NUP160: variants seen among roughly 807,000 people sequenced by gnomAD.
NUP160 encodes the protein nuclear pore complex protein Nup160.
Under a neutral mutation model 196.9 loss-of-function variants are expected in NUP160, and 94 were observed. The ratio of observed to expected loss-of-function variants is 0.48; its 90% CI spans 0.40 to 0.57. NUP160 has a LOEUF of 0.57. Among genes scored for constraint, NUP160 ranks in the 20% least tolerant of loss-of-function variants. The probability of loss-of-function intolerance (pLI) is 0.00; values close to 1 mark genes in which losing one functional copy is unlikely to be tolerated. For missense variants in NUP160, 1,638 were observed against 1,748.3 expected (o/e 0.94, Z 1.13); for synonymous variants, 605 against 619.7 (o/e 0.98, Z 0.35).
At chr11:47,807,967 T>C (rs1377852386) in intron 18 of NUP160, among the ~76,000 whole-genome samples, 1 of 152,230 alleles carries the variant, frequency 6.6e-6, no homozygotes, top group Admixed American at 6.5e-5. Context: ...TAATGGCATA[T>C]AATTTTACGG....
intron 13 of NUP160, among the ~76,000 whole-genome samples, chr11:47,814,898 C>A (rs1467979454): frequency 6.6e-6 from 1 of 152,178 alleles, no homozygotes; most frequent in Non-Finnish European, 1.5e-5. Context: ...TTGTGCTATT[C>A]TTGTAACTCT....
intron 7 of NUP160, among the ~76,000 whole-genome samples, chr11:47,824,052 T>TATACAC (rs1391609379): frequency 4.2e-4 from 39 of 93,776 alleles, no homozygotes; most frequent in Non-Finnish European, 5.8e-4. Flanking sequence ...TATATATATA[T>TATACAC]ACACACACAC....
chr11:47,804,958 A>C (rs1306113950), intron 20 of NUP160, among the ~76,000 whole-genome samples: 2 of 152,102 alleles, frequency 1.3e-5, no homozygotes, highest in Non-Finnish European at 2.9e-5. Context: ...GCAACACATA[A>C]GAGTCCTGTC....
At chr11:47,821,678 A>G in intron 9 of NUP160, 46 bp downstream of exon 9, 1 of 1,420,218 alleles carries the variant, frequency 7.0e-7, no homozygotes, top group Non-Finnish European at 1.0e-6. Flanking sequence ...TCTTAGCATG[A>G]AATTGCTTGG....
intron 19 of NUP160, 94 bp downstream of exon 19, chr11:47,806,976 A>G: frequency 3.4e-6 from 3 of 880,470 alleles, no homozygotes; most frequent in Non-Finnish European, 5.6e-6. Flanking sequence ...AGCCTAGCCA[A>G]CCTTTCTATG....
chr11:47,808,421 C>T lies in NUP160; in HGVS notation c.2350G>A (p.Ala784Thr), dbSNP rs138083274. The T allele has an allele frequency of 9.7e-4, 1,568 of 1,613,180 alleles. 3 individuals carry two copies. Among genetic ancestry groups the T allele is most frequent in the Non-Finnish European group, 1.3e-3 (1,479 of 1,179,430 alleles). ...AGTGTGTCAAGTGGAACATCAGTTGCCAAGCACTCACTTCCCCATTTAATG... is the reference window on the plus strand; with the variant it reads ...AGTGTGTCAAGTGGAACATCAGTTGTCAAGCACTCACTTCCCCATTTAATG... The change falls in exon 18 of 36, where the codon GCA (alanine) becomes ACA (threonine). Residue 784 changes from alanine (A) to threonine (T), a missense_variant. Transcript: ENST00000378460.
exon 28 of NUP160, chr11:47,792,892 A>C (rs746026162): frequency 6.2e-7 from 1 of 1,613,998 alleles, no homozygotes; most frequent in African/African-American, 1.3e-5. Flanking sequence ...AAGTCCCCGG[A>C]GAGTTCGAAC....
At chr11:47,835,549 T>G (rs991798339) in intron 7 of NUP160, 102 bp downstream of exon 7, 18 of 935,938 alleles carry the variant, frequency 1.9e-5, no homozygotes, top group Admixed American at 1.5e-4. Context: ...GAAACACATC[T>G]AGGTCGGTGA....
exon 13 of NUP160, chr11:47,815,493 A>T: frequency 6.3e-7 from 1 of 1,597,252 alleles, no homozygotes; most frequent in Non-Finnish European, 8.5e-7. Flanking sequence ...TTCAGCAGGC[A>T]CACCATGTTT....
At chr11:47,824,467 G>A (rs1329486851) in intron 7 of NUP160, among the ~76,000 whole-genome samples, 3 of 151,668 alleles carry the variant, frequency 2.0e-5, no homozygotes, top group East Asian at 1.9e-4. Flanking sequence ...AAATTTAGCC[G>A]GGCGCAGTGG....
chr11:47,810,857 A>G (rs1320873641), intron 17 of NUP160, among the ~76,000 whole-genome samples: 5 of 152,066 alleles, frequency 3.3e-5, no homozygotes, highest in African/African-American at 4.8e-5. Flanking sequence ...GAGTTAATAC[A>G]TTCTGACTTA....
chr11:47,792,862 T>A lies in NUP160; in HGVS notation c.3374A>T (p.Tyr1125Phe), dbSNP rs751519690. Residue 1125 changes from tyrosine (Y) to phenylalanine (F), a missense_variant, in exon 28 of 36, where the codon TAT (tyrosine) becomes TTT (phenylalanine). Physicochemically the swap from Tyr to Phe is conservative, Grantham distance 22. Around this residue, in one of 3 missense-constraint regions of NUP160, gnomAD observed 1,345 missense variants for 1,470.2 expected, o/e 0.91. Transcript: ENST00000378460. ...TCGTAAACAATTGAGAGCAGCCAGATAACAGTTGCCTTGTTTCTCAAGTCC... is the reference window on the plus strand; with the variant it reads ...TCGTAAACAATTGAGAGCAGCCAGAAAACAGTTGCCTTGTTTCTCAAGTCC... The A allele has an allele frequency of 6.8e-6, 11 of 1,614,086 alleles. No individual in the cohort carries two copies. In the East Asian group the frequency reaches 1.1e-4, roughly 16 times the overall value.
chr11:47,815,227 G>C, intron 13 of NUP160: 1 of 273,282 alleles, frequency 3.7e-6, no homozygotes, highest in East Asian at 6.8e-5. Flanking sequence ...CAAAAAAAGA[G>C]AAAAAAAGAA....
At chr11:47,810,844 C>G (rs1363435766) in intron 17 of NUP160, among the ~76,000 whole-genome samples, 1 of 152,014 alleles carries the variant, frequency 6.6e-6, no homozygotes, top group Non-Finnish European at 1.5e-5. Flanking sequence ...CTGTGCCCAG[C>G]CTGAGTTAAT....
At chr11:47,828,157 T>C (rs1010243267) in intron 7 of NUP160, among the ~76,000 whole-genome samples, 1 of 152,112 alleles carries the variant, frequency 6.6e-6, no homozygotes, top group Non-Finnish European at 1.5e-5. Context: ...GTGTGAGCCA[T>C]TGTAATCAAA....
chr11:47,791,705 A>G (rs1360549329), intron 29 of NUP160, among the ~76,000 whole-genome samples: 1 of 152,098 alleles, frequency 6.6e-6, no homozygotes, highest in African/African-American at 2.4e-5. Flanking sequence ...AATTGTGACA[A>G]TCTCCAGAAA....
At chr11:47,779,176 C>T in exon 36 of NUP160, 1 of 1,611,110 alleles carries the variant, frequency 6.2e-7, no homozygotes, top group Non-Finnish European at 8.5e-7. Context: ...TCCAATTTGT[C>T]AAGTATTTTC....
At chr11:47,802,538 G>T (rs1200160663) in intron 22 of NUP160, among the ~76,000 whole-genome samples, 5 of 152,044 alleles carry the variant, frequency 3.3e-5, no homozygotes, top group Admixed American at 1.3e-4. Context: ...TGAGTGATAG[G>T]TATATACTGT....
intron 21 of NUP160, chr11:47,804,183 G>GAA (rs75867410): frequency 1.3e-3 from 195 of 147,902 alleles, no homozygotes; most frequent in South Asian, 9.0e-3. Context: ...TCCGTTTCAG[G>GAA]AAAAAAAAAA....
Sources: allele counts gnomAD v4.1 joint callset (sites outside exome capture counted in the v4.1 genomes callset), GRCh38; gene constraint gnomAD v4.1.1; regional missense constraint gnomAD v4.1.1; transcripts MANE v1.5; gene names NCBI Gene and HGNC (gene_info 2026-07-23, HGNC 2026-07-21).